CDK17: variants seen among roughly 807,000 people sequenced by gnomAD.
CDK17 encodes cyclin-dependent kinase 17.
Under a neutral mutation model 77.6 loss-of-function variants are expected in CDK17, and 24 were observed. The observed-to-expected ratio is 0.31, with a 90% confidence interval of 0.22 to 0.44. The LOEUF (loss-of-function observed/expected upper bound fraction) is 0.44, where lower values mean the gene tolerates loss of function less well. CDK17 is among the 20% of genes least tolerant of loss of function. The pLI, the probability that CDK17 is intolerant of heterozygous loss-of-function variation, is 1.00. For synonymous variants in CDK17, 203 were observed against 210.4 expected (o/e 0.96, Z 0.30); for missense variants, 429 against 622.5 (o/e 0.69, Z 3.31).
chr12:96,348,523 C>CAAAAAAAAAAAAAAAAAAACA (rs1953263076), intron 1 of CDK17, among the ~76,000 whole-genome samples: 1 of 66,374 alleles, frequency 1.5e-5, no homozygotes, highest in Admixed American at 1.8e-4. Context: ...GACTCTGTCT[C>CAAAAAAAAAAAAAAAAAAACA]AAAAAAAAAA....
intron 1 of CDK17, among the ~76,000 whole-genome samples, chr12:96,357,241 C>T (rs930439175): frequency 2.0e-5 from 3 of 148,476 alleles, no homozygotes; most frequent in Admixed American, 1.3e-4. Context: ...GCAGGAGCAT[C>T]TCGAGGCCAG....
chr12:96,351,813 T>C (rs1184072052), intron 1 of CDK17, among the ~76,000 whole-genome samples: 23 of 152,196 alleles, frequency 1.5e-4, no homozygotes, highest in Non-Finnish European at 3.4e-4. Context: ...AATTTCAATA[T>C]GACCTATACC....
chr12:96,304,692 A>C (rs1952554589), intron 5 of CDK17, among the ~76,000 whole-genome samples: 1 of 152,234 alleles, frequency 6.6e-6, no homozygotes, highest in African/African-American at 2.4e-5. Context: ...TCTCTATTCT[A>C]CTCAGTCACT....
rs149612229 is a variant in CDK17 at position 96,333,199 on chromosome 12, A to G, written c.118+1520T>C. ...GAGGGGGTCTAAAAGAGAATTAAGG[A>G]TTTTGCTCTGTGTATCTAGAATAGG... On this transcript the variant is annotated intron_variant, in intron 2 of 16. Coordinates refer to ENST00000261211, the MANE Select transcript of CDK17 (RefSeq NM_002595.5). Among the ~76,000 whole-genome samples, 148 of 152,174 alleles carry G rather than the reference A, an allele frequency of 9.7e-4. 3 individuals carry two copies. The East Asian group carries it at 0.026, about 27-fold the overall frequency.
At chr12:96,315,016 A>G (rs1952692214) in intron 3 of CDK17, among the ~76,000 whole-genome samples, 1 of 152,160 alleles carries the variant, frequency 6.6e-6, no homozygotes, top group Non-Finnish European at 1.5e-5. Context: ...TCACTTTTCT[A>G]TTTCCAGAAC....
At chr12:96,378,230 AT>A (rs1953819616) in intron 1 of CDK17, among the ~76,000 whole-genome samples, 2 of 152,012 alleles carry the variant, frequency 1.3e-5, no homozygotes, top group Non-Finnish European at 2.9e-5. Context: ...TCCCCCATTT[AT>A]TTATTTAGTC....
At chr12:96,352,442 T>C (rs1953326106) in intron 1 of CDK17, among the ~76,000 whole-genome samples, 1 of 150,868 alleles carries the variant, frequency 6.6e-6, no homozygotes, top group South Asian at 2.1e-4. Flanking sequence ...AGCTGTGCTG[T>C]GAAACAGAGA....
In CDK17 at chr12:96,355,113, A is replaced by G. The variant is rs554335990; in HGVS notation, c.-29-20248T>C. Reference sequence around the variant, plus strand: ...TTATGAGGTCCTGATAAGCCTCATAAATGGCCTGCCCATCTCCTTTTTAAC... The same window carrying G: ...TTATGAGGTCCTGATAAGCCTCATAGATGGCCTGCCCATCTCCTTTTTAAC... On this transcript the variant is annotated intron_variant, in intron 1 of 16. Coordinates refer to ENST00000261211, the MANE Select transcript of CDK17 (RefSeq NM_002595.5). Among the ~76,000 whole-genome samples the G allele has an allele frequency of 2.0e-5, 3 of 152,230 alleles. No homozygotes were observed. In the South Asian group the frequency reaches 6.2e-4, roughly 32 times the overall value.
intron 3 of CDK17, 55 bp from the exon 4 acceptor site, chr12:96,313,509 T>C (rs1186811503): frequency 1.0e-6 from 1 of 1,003,800 alleles, no homozygotes; most frequent in Non-Finnish European, 1.4e-6. Flanking sequence ...ATATATAATT[T>C]ATTATCACTA....
rs1953023393 is a variant in CDK17, at chr12:96,335,027, C to T, written c.-29-162G>A. The T allele has an allele frequency of 6.0e-6, 4 of 671,614 alleles. No individual in the cohort carries two copies. In the East Asian group the frequency reaches 1.1e-4, roughly 19 times the overall value. 41.6% of individuals were successfully genotyped at this position (671,614 alleles called of 1,614,324 possible). The stretch of plus-strand genomic sequence containing the variant: ...CCAACCCCTTTTTTAAAAAGATTCA[C>T]CTACTCCGAATAATGCTGTATTTAT... On this transcript the variant is annotated intron_variant, in intron 1 of 16. Transcript: ENST00000261211.
chr12:96,336,140 A>G (rs1216088285), intron 1 of CDK17, among the ~76,000 whole-genome samples: 1 of 152,146 alleles, frequency 6.6e-6, no homozygotes, highest in Non-Finnish European at 1.5e-5. Context: ...TAATAATTTT[A>G]TATTTTACTA....
intron 1 of CDK17, among the ~76,000 whole-genome samples, chr12:96,395,359 C>A (rs528128771): frequency 1.0e-3 from 156 of 152,228 alleles, no homozygotes; most frequent in African/African-American, 3.3e-3. Flanking sequence ...CAGACAGTAA[C>A]ATTGACTTTT....
chr12:96,293,088 C>G (rs2055206362), intron 10 of CDK17, among the ~76,000 whole-genome samples: 1 of 152,184 alleles, frequency 6.6e-6, no homozygotes, highest in South Asian at 2.1e-4. Context: ...ATTATTTTCT[C>G]TTTAAAAACA....
intron 1 of CDK17, among the ~76,000 whole-genome samples, chr12:96,348,241 A>ATTT: frequency 6.6e-6 from 1 of 152,324 alleles, no homozygotes; most frequent in African/African-American, 2.4e-5. Context: ...AACAAAACAG[A>ATTT]AAGTTGGTTC....
intron 1 of CDK17, among the ~76,000 whole-genome samples, chr12:96,352,731 T>TA (rs1953330054): frequency 6.6e-6 from 1 of 152,086 alleles, no homozygotes; most frequent in Non-Finnish European, 1.5e-5. Context: ...TGACAGCAAA[T>TA]AAAAAATCAG....
chr12:96,341,171 T>C (rs1307037769), intron 1 of CDK17, among the ~76,000 whole-genome samples: 1 of 152,202 alleles, frequency 6.6e-6, no homozygotes, highest in Non-Finnish European at 1.5e-5. Flanking sequence ...CTATTGTTTC[T>C]ATGAATATTA....
chr12:96,311,097 T>C lies in CDK17; in HGVS notation c.498A>G (p.Pro166=). The change falls in exon 5 of 17, where the codon CCA becomes CCG. Residue 166 remains proline, a synonymous_variant. Transcript: ENST00000261211. ...TTCGACTCATTGGTTGGTCAAATGG[T>C]GGACTGTTTATCTGCAACTTTTCAA... ...GYLEKLQINS[P]PFDQPMSRRS... The C allele has an allele frequency of 1.2e-6, 2 of 1,602,632 alleles. No individual in the cohort carries two copies. Among genetic ancestry groups the C allele is most frequent in the South Asian group, 1.1e-5 (1 of 88,650 alleles).
At chr12:96,308,936 T>C (rs1485266633) in intron 5 of CDK17, among the ~76,000 whole-genome samples, 1 of 152,006 alleles carries the variant, frequency 6.6e-6, no homozygotes, top group African/African-American at 2.4e-5. Flanking sequence ...ATCCTTAATT[T>C]TGAATACATT....
intron 2 of CDK17, among the ~76,000 whole-genome samples, chr12:96,329,386 G>C (rs556388715): frequency 4.1e-4 from 62 of 152,164 alleles, no homozygotes; most frequent in Non-Finnish European, 7.2e-4. Flanking sequence ...TCCAAGTAAG[G>C]ATTTCCAATG....
Sources: allele counts gnomAD v4.1 joint callset (sites outside exome capture counted in the v4.1 genomes callset), GRCh38; gene constraint gnomAD v4.1.1; transcripts MANE v1.5; gene names NCBI Gene and HGNC (gene_info 2026-07-23, HGNC 2026-07-21).